Variants in SLC9A9 observed in about 807,000 individuals in gnomAD.
The protein encoded by SLC9A9 is sodium/hydrogen exchanger 9.
In SLC9A9, 62 loss-of-function variants were observed where a neutral mutation model predicts 77.8. That is an observed-to-expected ratio of 0.80 (90% CI 0.65 to 0.98). SLC9A9 has a LOEUF of 0.98. Ranked by LOEUF, SLC9A9 falls within the 50% of genes least tolerant of loss-of-function variation. The probability of loss-of-function intolerance (pLI) is 0.00; values close to 1 mark genes in which losing one functional copy is unlikely to be tolerated. For synonymous variants in SLC9A9, 320 were observed against 283.5 expected (o/e 1.13, Z -1.29); for missense variants, 775 against 774.9 (o/e 1.00, Z 0.00).
At chr3:143,378,481 A>G (rs374456296) in intron 13 of SLC9A9, among the ~76,000 whole-genome samples, 1 of 152,242 alleles carries the variant, frequency 6.6e-6, no homozygotes, top group South Asian at 2.1e-4. Context: ...TAAGGTGCTC[A>G]GAGCAGTGTT....
intron 12 of SLC9A9, among the ~76,000 whole-genome samples, chr3:143,435,110 GTATT>G (rs940584226): frequency 6.6e-6 from 1 of 151,992 alleles, no homozygotes; most frequent in Admixed American, 6.5e-5. Context: ...CTCTTTTAAA[GTATT>G]TATCCTTCTC....
chr3:143,384,609 C>A (rs1305125585), intron 12 of SLC9A9, among the ~76,000 whole-genome samples: 2 of 152,180 alleles, frequency 1.3e-5, no homozygotes, highest in Non-Finnish European at 2.9e-5. Flanking sequence ...GCAGACATTC[C>A]TGCACAACTA....
chr3:143,535,768 T>C (rs1013440799), intron 9 of SLC9A9, among the ~76,000 whole-genome samples: 1 of 152,202 alleles, frequency 6.6e-6, no homozygotes, highest in African/African-American at 2.4e-5. Flanking sequence ...AATACACATT[T>C]GATTCTTCTT....
At chr3:143,269,947 C>T (rs1010313700) in intron 14 of SLC9A9, among the ~76,000 whole-genome samples, 1 of 152,188 alleles carries the variant, frequency 6.6e-6, no homozygotes, top group Admixed American at 6.5e-5. Flanking sequence ...AATTCACATG[C>T]CATTCTCATG....
chr3:143,719,391 C>T (rs1356215344), intron 4 of SLC9A9, among the ~76,000 whole-genome samples: 2 of 152,062 alleles, frequency 1.3e-5, no homozygotes, highest in Admixed American at 1.3e-4. Context: ...GAAAATGTCC[C>T]CTTTTCCTGT....
intron 12 of SLC9A9, among the ~76,000 whole-genome samples, chr3:143,391,673 AC>A (rs998342650): frequency 3.0e-4 from 46 of 152,182 alleles, no homozygotes; most frequent in African/African-American, 8.2e-4. Flanking sequence ...AGGAAGTTTG[AC>A]CCCCTGGCAA....
intron 9 of SLC9A9, among the ~76,000 whole-genome samples, chr3:143,549,124 T>C (rs1241341764): frequency 6.6e-6 from 1 of 152,190 alleles, no homozygotes; most frequent in Non-Finnish European, 1.5e-5. Context: ...TCCCAAACCT[T>C]TCCCAGTTTC....
chr3:143,543,128 T>C lies in SLC9A9; in HGVS notation c.1089+9234A>G, dbSNP rs542988113. Among the ~76,000 whole-genome samples, 83 of 152,364 alleles carry C rather than the reference T, an allele frequency of 5.4e-4. 1 individual carries two copies. In the South Asian group the frequency reaches 0.016, roughly 30 times the overall value. On this transcript the variant is annotated intron_variant, in intron 9 of 15. Coordinates refer to ENST00000316549, the MANE Select transcript of SLC9A9 (RefSeq NM_173653.4). ...CTTTGTAAGACAGAAATCTGATTAT[T>C]ATCATTATCTCTATGCCTAAAAGGC... is the stretch of plus-strand genomic sequence containing the variant.
At position 143,569,440 on chromosome 3, in the gene SLC9A9, G is replaced by T. The variant is rs557943644; in HGVS notation, c.1000+4648C>A. 5.8e-4 allele frequency among the ~76,000 whole-genome samples: 88 copies of T among 152,058 alleles called. 1 individual carries two copies. Among genetic ancestry groups the T allele is most frequent in the African/African-American group, 2.1e-3 (86 of 41,506 alleles). On this transcript the variant is annotated intron_variant, in intron 8 of 15. Transcript: ENST00000316549. ...TGTTAGGACAGGTGACTTATCATCT[G>T]GGAAGAAAATCAAATCGCTACTATA...
intron 2 of SLC9A9, among the ~76,000 whole-genome samples, chr3:143,829,249 C>A (rs1559817748): frequency 6.6e-6 from 1 of 152,142 alleles, no homozygotes; most frequent in Non-Finnish European, 1.5e-5. Flanking sequence ...TTTTACCCTA[C>A]AAACTTCATA....
At chr3:143,273,320 C>T (rs1056811645) in intron 14 of SLC9A9, among the ~76,000 whole-genome samples, 5 of 152,192 alleles carry the variant, frequency 3.3e-5, no homozygotes, top group African/African-American at 1.2e-4. Context: ...GAAGCCCTAG[C>T]CCCAGTGTGA....
intron 6 of SLC9A9, among the ~76,000 whole-genome samples, chr3:143,617,256 A>G (rs867482651): frequency 6.6e-6 from 1 of 152,240 alleles, no homozygotes; most frequent in Non-Finnish European, 1.5e-5. Flanking sequence ...TTCTGTTTTT[A>G]TAAATAAAGT....
chr3:143,385,354 TC>T (rs2033400073), intron 12 of SLC9A9, among the ~76,000 whole-genome samples: 1 of 152,240 alleles, frequency 6.6e-6, no homozygotes, highest in Non-Finnish European at 1.5e-5. Flanking sequence ...ACAATTGTTC[TC>T]ATAATACCCT....
intron 4 of SLC9A9, among the ~76,000 whole-genome samples, chr3:143,704,662 G>A (rs1414904596): frequency 6.6e-6 from 1 of 151,424 alleles, no homozygotes; most frequent in Non-Finnish European, 1.5e-5. Flanking sequence ...GCCAAGATTT[G>A]GAAGCAACCT....
At chr3:143,571,451 T>A (rs922459734) in intron 8 of SLC9A9, among the ~76,000 whole-genome samples, 2 of 152,162 alleles carry the variant, frequency 1.3e-5, no homozygotes, top group Non-Finnish European at 2.9e-5. Flanking sequence ...TCAGGTTTTA[T>A]TGAAAGTTGA....
chr3:143,434,832 A>G (rs1302110470), intron 12 of SLC9A9, among the ~76,000 whole-genome samples: 1 of 151,978 alleles, frequency 6.6e-6, no homozygotes, highest in East Asian at 1.9e-4. Context: ...ACCTCTCCAC[A>G]TTCAGCTCTC....
chr3:143,304,047 T>G (rs1392312742), intron 14 of SLC9A9, among the ~76,000 whole-genome samples: 1 of 151,622 alleles, frequency 6.6e-6, no homozygotes, highest in African/African-American at 2.4e-5. Flanking sequence ...GATGAAGAGG[T>G]CTCTTAGACC....
intron 5 of SLC9A9, among the ~76,000 whole-genome samples, chr3:143,674,936 C>T (rs756341671): frequency 6.6e-6 from 1 of 152,038 alleles, no homozygotes; most frequent in Non-Finnish European, 1.5e-5. Flanking sequence ...TTATATTCAT[C>T]GGGGCTGTGG....
At chr3:143,284,193 G>A (rs982553561) in intron 14 of SLC9A9, among the ~76,000 whole-genome samples, 1 of 152,040 alleles carries the variant, frequency 6.6e-6, no homozygotes, top group Non-Finnish European at 1.5e-5. Context: ...ATTTACTTAC[G>A]ATTATTTACC....
Sources: allele counts gnomAD v4.1 joint callset (sites outside exome capture counted in the v4.1 genomes callset), GRCh38; gene constraint gnomAD v4.1.1; transcripts MANE v1.5; gene names NCBI Gene and HGNC (gene_info 2026-07-23, HGNC 2026-07-21).